The following WDPCP variants were observed in gnomAD, a reference collection of about 807,000 sequenced individuals.
WDPCP encodes the protein WD repeat-containing and planar cell polarity effector protein fritz homolog.
In WDPCP, 71 loss-of-function variants were observed where a neutral mutation model predicts 93.1. The ratio of observed to expected loss-of-function variants is 0.76; its 90% CI spans 0.63 to 0.93. The LOEUF (loss-of-function observed/expected upper bound fraction) is 0.93, where lower values mean the gene tolerates loss of function less well. WDPCP is among the 40% of genes least tolerant of loss of function. The probability of loss-of-function intolerance (pLI) is 0.00; values close to 1 mark genes in which losing one functional copy is unlikely to be tolerated. For synonymous variants in WDPCP, 315 were observed against 315.0 expected (o/e 1.00, Z 0.00); for missense variants, 844 against 887.4 (o/e 0.95, Z 0.62).
At chr2:63,743,282 G>A (rs1669751378) in intron 2 of WDPCP, among the ~76,000 whole-genome samples, 1 of 152,088 alleles carries the variant, frequency 6.6e-6, no homozygotes, top group Non-Finnish European at 1.5e-5. Context: ...TCATTCTTCA[G>A]AGCATCAGAC....
At chr2:63,576,647 T>C (rs760589355) in intron 1 of WDPCP, among the ~76,000 whole-genome samples, 9 of 152,202 alleles carry the variant, frequency 5.9e-5, no homozygotes, top group African/African-American at 9.6e-5. Flanking sequence ...AACCTTCAGC[T>C]TCTAGAGGTT....
chr2:63,790,305 A>G (rs530017718), intron 2 of WDPCP, among the ~76,000 whole-genome samples: 6 of 152,346 alleles, frequency 3.9e-5, no homozygotes, highest in East Asian at 1.9e-4. Flanking sequence ...AGTTGATGCT[A>G]TGGATTCTGA....
At chr2:63,151,830 A>T (rs1671907479) in intron 17 of WDPCP, among the ~76,000 whole-genome samples, 2 of 152,174 alleles carry the variant, frequency 1.3e-5, no homozygotes. Flanking sequence ...CTTCATAAAA[A>T]TCCCGTGGAG....
rs1480940082 is a variant in WDPCP, at chr2:63,211,734, G to A, written c.1916-36902C>T. On this transcript the variant is annotated intron_variant, in intron 14 of 17. Transcript: ENST00000272321. Reference sequence around the variant, plus strand: ...TAAAAACCTTGAAAAAATACTGGACGAATGGCTAACTAGAATCAACAGTGT... The same window carrying A: ...TAAAAACCTTGAAAAAATACTGGACAAATGGCTAACTAGAATCAACAGTGT... 6.6e-5 allele frequency among the ~76,000 whole-genome samples: 10 copies of A among 152,228 alleles called. No homozygotes were observed. The East Asian group carries it at 7.7e-4, about 12-fold the overall frequency.
intron 9 of WDPCP, among the ~76,000 whole-genome samples, chr2:63,431,316 T>A (rs1392963050): frequency 6.6e-6 from 1 of 152,146 alleles, no homozygotes; most frequent in Non-Finnish European, 1.5e-5. Flanking sequence ...TAGGTGATCT[T>A]AATGTGTTGT....
At chr2:63,463,616 G>A (rs1699162851) in intron 6 of WDPCP, among the ~76,000 whole-genome samples, 1 of 152,162 alleles carries the variant, frequency 6.6e-6, no homozygotes, top group African/African-American at 2.4e-5. Context: ...ATCAAAAACA[G>A]TGTGGTTCTG....
chr2:63,640,089 C>T (rs984485017), intron 3 of WDPCP, among the ~76,000 whole-genome samples: 1 of 152,098 alleles, frequency 6.6e-6, no homozygotes, highest in African/African-American at 2.4e-5. Flanking sequence ...GCTCACTGCA[C>T]GCTCCGCCTC....
intron 1 of WDPCP, among the ~76,000 whole-genome samples, chr2:63,516,769 GT>G (rs368970145): frequency 3.0e-4 from 45 of 151,504 alleles, no homozygotes; most frequent in African/African-American, 8.5e-4. Flanking sequence ...AGGATAATGG[GT>G]TTTTTTTTAA....
At chr2:63,410,507 A>G (rs970502043) in intron 9 of WDPCP, among the ~76,000 whole-genome samples, 5 of 152,232 alleles carry the variant, frequency 3.3e-5, no homozygotes, top group Non-Finnish European at 5.9e-5. Context: ...ACAGGCAACA[A>G]ATAGCACTGT....
At chr2:63,494,287 T>C (rs74491983) in intron 1 of WDPCP, among the ~76,000 whole-genome samples, 102 of 150,424 alleles carry the variant, frequency 6.8e-4, no homozygotes, top group African/African-American at 1.3e-3. Flanking sequence ...ATGATGATGA[T>C]GACGACGACG....
At chr2:63,566,081 G>A (rs975182120) in intron 1 of WDPCP, among the ~76,000 whole-genome samples, 1 of 152,062 alleles carries the variant, frequency 6.6e-6, no homozygotes, top group Non-Finnish European at 1.5e-5. Context: ...AATTCTCCGA[G>A]AATTCCCATC....
chr2:63,257,337 T>C lies in WDPCP; in HGVS notation c.1915+1970A>G, dbSNP rs371736632. On this transcript the variant is annotated intron_variant, in intron 14 of 17. Coordinates refer to ENST00000272321, the MANE Select transcript of WDPCP (RefSeq NM_015910.7). ...AATAATTGAATTAAATTGAGGGAAT[T>C]TGAAAGAAAATTAGCTTTCCCCAGC... 7.2e-5 allele frequency among the ~76,000 whole-genome samples: 11 copies of C among 152,218 alleles called. No individual in the cohort carries two copies. In the South Asian group the frequency reaches 1.2e-3, roughly 17 times the overall value.
chr2:63,763,026 G>A (rs1339591626), intron 2 of WDPCP, among the ~76,000 whole-genome samples: 5 of 152,178 alleles, frequency 3.3e-5, no homozygotes, highest in African/African-American at 1.2e-4. Flanking sequence ...GACAAACAGA[G>A]TCTTGATATC....
At chr2:63,650,791 C>T (rs1346610193) in exon 3 of WDPCP, 1 of 152,180 alleles carries the variant, frequency 6.6e-6, no homozygotes, top group African/African-American at 2.4e-5. Context: ...GAACAGGAGC[C>T]ATCATTCACA....
rs536491300 is a variant in WDPCP, at chr2:63,187,095, C to T, written c.1916-12263G>A. Among the ~76,000 whole-genome samples, 15 of 151,952 alleles carry T rather than the reference C, an allele frequency of 9.9e-5. No individual in the cohort carries two copies. The South Asian group carries it at 2.9e-3, about 29-fold the overall frequency. On this transcript the variant is annotated intron_variant, in intron 14 of 17. Coordinates refer to ENST00000272321, the MANE Select transcript of WDPCP (RefSeq NM_015910.7). ...TACTATATCATCCTGGTGAATTGACCCTTTAATCATTATATAGTATCCTTC... is the reference window on the plus strand; with the variant it reads ...TACTATATCATCCTGGTGAATTGACTCTTTAATCATTATATAGTATCCTTC...
At chr2:63,812,833 TC>T (rs1247178973) in intron 2 of WDPCP, among the ~76,000 whole-genome samples, 1 of 151,940 alleles carries the variant, frequency 6.6e-6, no homozygotes, top group East Asian at 1.9e-4. Flanking sequence ...ATAATCTATG[TC>T]CCCCATCTAA....
chr2:63,600,804 A>T (rs1709404623), intron 3 of WDPCP, among the ~76,000 whole-genome samples: 1 of 152,202 alleles, frequency 6.6e-6, no homozygotes, highest in South Asian at 2.1e-4. Context: ...AATGGCAGGC[A>T]GTTTGAGTTC....
At chr2:63,497,049 T>A (rs1176432960) in intron 1 of WDPCP, among the ~76,000 whole-genome samples, 1 of 140,026 alleles carries the variant, frequency 7.1e-6, no homozygotes, top group Non-Finnish European at 1.5e-5. Context: ...GAGGCGAAGG[T>A]TGCAGTGAGT....
chr2:63,683,594 T>C (rs1170142764), intron 2 of WDPCP, among the ~76,000 whole-genome samples: 1 of 152,158 alleles, frequency 6.6e-6, no homozygotes, highest in Non-Finnish European at 1.5e-5. Context: ...GGCTCACATC[T>C]GTAATCCCAG....
Sources: gnomAD v4.1 joint callset for allele counts (sites outside exome capture counted in the v4.1 genomes callset) on GRCh38, gnomAD v4.1.1 for gene constraint, MANE v1.5 for transcripts, NCBI Gene and HGNC (gene_info 2026-07-23, HGNC 2026-07-21) for gene names.